The following RAB8A variants were observed in gnomAD, a reference collection of about 807,000 sequenced individuals.
RAB8A encodes ras-related protein Rab-8A.
Under a neutral mutation model 29.2 loss-of-function variants are expected in RAB8A, and 5 were observed. That is an observed-to-expected ratio of 0.17 (90% CI 0.09 to 0.36). The LOEUF (loss-of-function observed/expected upper bound fraction) is 0.36. RAB8A is among the 10% of genes least tolerant of loss of function. The pLI is 1.00. For synonymous variants in RAB8A, 108 were observed against 99.9 expected, an observed-to-expected ratio of 1.08 and a Z score of -0.49; for missense variants, 171 against 272.2, an observed-to-expected ratio of 0.63 and a Z score of 2.62.
chr19:16,112,076 G>T (rs2090825930), intron 1 of RAB8A, 51 bp downstream of exon 1: 13 of 1,602,678 alleles, frequency 8.1e-6, no homozygotes, highest in Non-Finnish European at 1.1e-5. Flanking sequence ...GGCTGGGCGC[G>T]CCCCTGAGGG....
At chr19:16,114,139 C>T (rs2090835518) in intron 1 of RAB8A, among the ~76,000 whole-genome samples, 1 of 152,022 alleles carries the variant, frequency 6.6e-6, no homozygotes. Flanking sequence ...CACAGTGGCT[C>T]ACCCATGTAG....
intron 1 of RAB8A, among the ~76,000 whole-genome samples, chr19:16,117,517 G>A (rs2090851585): frequency 6.6e-6 from 1 of 151,960 alleles, no homozygotes; most frequent in Non-Finnish European, 1.5e-5. Context: ...TAAGTTTGGA[G>A]CAGAGGTTAG....
Position 16,127,422 on chromosome 19 carries a change from C to G in RAB8A, c.325-15C>G, listed in dbSNP as rs565361478. ...TCATCCGGTCTGATCCCCCGTCTGT[C>G]CCCCTCCCTCTCAGCACGCCTCTGC... On this transcript the variant is annotated splice_polypyrimidine_tract_variant and intron_variant, in intron 4 of 7. Transcript: ENST00000300935. The surrounding 1 kb of genome is among the most constrained non-coding windows in gnomAD (Gnocchi z 4.8). 2.1e-6 allele frequency: 3 copies of G among 1,463,302 alleles called. No individual in the cohort carries two copies. The highest frequency in any genetic ancestry group is 2.5e-5 in the Admixed American group (1 of 39,484). The allele number at this position is 1,463,302 out of a possible 1,614,324, so 90.6% of individuals were successfully genotyped here.
At chr19:16,128,133 T>C in intron 6 of RAB8A, 42 bp downstream of exon 6, 1 of 1,598,628 alleles carries the variant, frequency 6.3e-7, no homozygotes, top group African/African-American at 1.3e-5. Flanking sequence ...GCCTGCAGGA[T>C]CGGCCCCTTC....
intron 2 of RAB8A, among the ~76,000 whole-genome samples, chr19:16,119,298 C>T (rs945343066): frequency 4.6e-5 from 7 of 152,114 alleles, no homozygotes; most frequent in Non-Finnish European, 8.8e-5. Flanking sequence ...CTCTGCCCCC[C>T]GGGTTCAAGT....
intron 2 of RAB8A, among the ~76,000 whole-genome samples, chr19:16,118,589 TTGAACGGGAA>T (rs2090857530): frequency 6.6e-6 from 1 of 152,204 alleles, no homozygotes; most frequent in Non-Finnish European, 1.5e-5. Flanking sequence ...GCTGCTTCTG[TTGAACGGGAA>T]GAGAGCCCTC....
At chr19:16,128,626 G>C (rs186804741) in intron 6 of RAB8A, among the ~76,000 whole-genome samples, 1 of 152,170 alleles carries the variant, frequency 6.6e-6, no homozygotes, top group Non-Finnish European at 1.5e-5. Flanking sequence ...CTATGCTGAC[G>C]TGAAGACAAA....
At chr19:16,114,026 T>C (rs1407847345) in intron 1 of RAB8A, among the ~76,000 whole-genome samples, 2 of 152,176 alleles carry the variant, frequency 1.3e-5, no homozygotes, top group African/African-American at 2.4e-5. Context: ...GGCTAAACTT[T>C]AGGGTAATTC....
chr19:16,111,936 T>C lies in RAB8A; in HGVS notation c.35T>C (p.Leu12Pro), dbSNP rs2090825310. 1 of 1,614,016 alleles carries C rather than the reference T, an allele frequency of 6.2e-7. No individual in the cohort carries two copies. The highest frequency in any genetic ancestry group is 8.5e-7 in the Non-Finnish European group (1 of 1,179,892). Residue 12 changes from leucine to proline, a missense_variant, in exon 1 of 8, where the codon CTG becomes CCG. Around this residue, in one of 3 missense-constraint regions of RAB8A, gnomAD observed 26 missense variants for 42.9 expected, o/e 0.61. Transcript: ENST00000300935. ...ACCTACGATTACCTGTTCAAGCTGCTGCTGATCGGGGACTCGGGGGTGGGG... is the reference window on the plus strand; with the variant it reads ...ACCTACGATTACCTGTTCAAGCTGCCGCTGATCGGGGACTCGGGGGTGGGG... ...AKTYDYLFKL[L>P]LIGDSGVGKT...
In RAB8A at chr19:16,132,434, A is replaced by G; in HGVS notation, c.*130A>G. On this transcript the variant is annotated 3_prime_UTR_variant, in exon 8 of 8. Coordinates refer to ENST00000300935, the MANE Select transcript of RAB8A (RefSeq NM_005370.5). This position sits in a 1 kb window ranked among gnomAD's most constrained non-coding sequence, Gnocchi z 5.6. ...CGCCGCGGCCACCGGGCCCACGGCC[A>G]CCAGAATGCAATTGAGAAATCGTTT... The G allele has an allele frequency of 2.7e-6, 2 of 738,558 alleles. No homozygotes were observed. Among genetic ancestry groups the G allele is most frequent in the Non-Finnish European group, 4.5e-6 (2 of 447,306 alleles). 45.8% of individuals were successfully genotyped at this position (738,558 alleles called of 1,614,324 possible). A position where few individuals can be genotyped will look rare whatever the true frequency, so the allele number is the denominator to read the frequency against.
rs1485302502 is a variant in RAB8A, at chr19:16,125,511, C to G, written c.288C>G (p.Phe96Leu). The part of the protein sequence containing the change: ...LVYDITNEKS[F>L]DNIRNWIRNI... ...ACGACATCACCAACGAGAAGTCCTT[C>G]GACAACATCCGGAACTGGATTCGCA... Residue 96 changes from phenylalanine to leucine, a missense_variant, in exon 4 of 8, where the codon TTC (phenylalanine) becomes TTG (leucine). This residue lies in a region of RAB8A where 145 missense variants were observed against 212.8 expected (regional missense o/e 0.68). Coordinates refer to ENST00000300935, the MANE Select transcript of RAB8A (RefSeq NM_005370.5). The surrounding 1 kb of genome is among the most constrained non-coding windows in gnomAD (Gnocchi z 5.0). The G allele has an allele frequency of 6.2e-7, 1 of 1,614,036 alleles. No homozygotes were observed. The highest frequency in any genetic ancestry group is 1.3e-5 in the African/African-American group (1 of 74,934).
intron 3 of RAB8A, among the ~76,000 whole-genome samples, chr19:16,123,442 A>G (rs2090883579): frequency 6.6e-6 from 1 of 152,120 alleles, no homozygotes; most frequent in Admixed American, 6.6e-5. Flanking sequence ...TTCCATCTCT[A>G]CTAAAAATAC....
At chr19:16,113,491 T>G (rs1257134103) in intron 1 of RAB8A, among the ~76,000 whole-genome samples, 2 of 152,108 alleles carry the variant, frequency 1.3e-5, no homozygotes, top group Admixed American at 6.6e-5. Context: ...AACCTCTGCC[T>G]CCCGGGTTCA....
rs1168227811 is a variant in RAB8A, at chr19:16,112,030, C to T, written c.124+5C>T. 1.9e-6 allele frequency: 3 copies of T among 1,613,676 alleles called. No homozygotes were observed. The highest frequency in any genetic ancestry group is 1.1e-5 in the South Asian group (1 of 91,072). ...CCACTTTTATCTCCACCATAGGTAA[C>T]GGGACCGGGGAATGGCTGGGGGCGC... On this transcript the variant is annotated splice_donor_5th_base_variant and intron_variant, in intron 1 of 7. Transcript: ENST00000300935.
At position 16,127,401 on chromosome 19, in the gene RAB8A, C is replaced by T. The variant is rs779684018; in HGVS notation, c.325-36C>T. The T allele has an allele frequency of 7.3e-7, 1 of 1,378,348 alleles. No homozygotes were observed. Among genetic ancestry groups the T allele is most frequent in the South Asian group, 1.8e-5 (1 of 56,952 alleles). The allele number at this position is 1,378,348 out of a possible 1,614,324, so 85.4% of individuals were successfully genotyped here. A position where few individuals can be genotyped will look rare whatever the true frequency, so the allele number is the denominator to read the frequency against. On this transcript the variant is annotated intron_variant, in intron 4 of 7. Coordinates refer to ENST00000300935, the MANE Select transcript of RAB8A (RefSeq NM_005370.5). The surrounding 1 kb of genome is among the most constrained non-coding windows in gnomAD (Gnocchi z 4.8). ...GGCAGAGGCACCTGGCCTGTGTCAT[C>T]CGGTCTGATCCCCCGTCTGTCCCCC...
Position 16,133,834 on chromosome 19 carries a change from C to A in RAB8A, c.*1530C>A, listed in dbSNP as rs1293345052. Reference sequence around the variant, plus strand: ...CAGTGGCTCACACCTGTAATCCCAGCACTCTGGGAGGCCAAGGCGGGCTGA... The same window carrying A: ...CAGTGGCTCACACCTGTAATCCCAGAACTCTGGGAGGCCAAGGCGGGCTGA... On this transcript the variant is annotated 3_prime_UTR_variant, in exon 8 of 8. Transcript: ENST00000300935. The A allele has an allele frequency of 6.6e-6, 1 of 152,440 alleles. No individual in the cohort carries two copies. Among genetic ancestry groups the A allele is most frequent in the Non-Finnish European group, 1.5e-5 (1 of 68,224 alleles). 9.4% of individuals were successfully genotyped at this position (152,440 alleles called of 1,614,324 possible). A position where few individuals can be genotyped will look rare whatever the true frequency, so the allele number is the denominator to read the frequency against.
intron 7 of RAB8A, among the ~76,000 whole-genome samples, chr19:16,130,591 T>C (rs16981116): frequency 0.016 from 2,368 of 152,162 alleles, 58 homozygotes; most frequent in African/African-American, 0.054. Flanking sequence ...TTTCTTGCAA[T>C]TTTTTTTCTT....
At chr19:16,131,360 G>A (rs1252182173) in intron 7 of RAB8A, among the ~76,000 whole-genome samples, 1 of 152,148 alleles carries the variant, frequency 6.6e-6, no homozygotes, top group African/African-American at 2.4e-5. Context: ...AGAAGATAAT[G>A]GATGGATGGT....
chr19:16,113,352 T>C (rs2090832395), intron 1 of RAB8A, among the ~76,000 whole-genome samples: 1 of 152,232 alleles, frequency 6.6e-6, no homozygotes, highest in Non-Finnish European at 1.5e-5. Flanking sequence ...CCCAAGATAA[T>C]GTGCTAATTC....
Sources: gnomAD v4.1 joint callset for allele counts (sites outside exome capture counted in the v4.1 genomes callset) on GRCh38, gnomAD v4.1.1 for gene constraint, gnomAD v4.1.1 regional missense constraint, Gnocchi (gnomAD v3.1) non-coding constraint, MANE v1.5 for transcripts, NCBI Gene and HGNC (gene_info 2026-07-23, HGNC 2026-07-21) for gene names.